LRRC4C: variants seen among roughly 807,000 people sequenced by gnomAD.
LRRC4C encodes leucine rich repeat containing 4C.
Under a neutral mutation model 33.6 loss-of-function variants are expected in LRRC4C, and 5 were observed. The observed-to-expected ratio is 0.15, with a 90% CI of 0.08 to 0.31. The LOEUF is 0.31. Among genes scored for constraint, LRRC4C ranks in the 10% least tolerant of loss-of-function variants. The probability of loss-of-function intolerance (pLI) is 1.00; values close to 1 mark genes in which losing one functional copy is unlikely to be tolerated. For synonymous variants in LRRC4C, 329 were observed against 302.0 expected (o/e 1.09, Z -0.93); for missense variants, 560 against 796.7 (o/e 0.70, Z 3.58).
chr11:40,323,427 C>T (rs2136875042), intron 3 of LRRC4C, among the ~76,000 whole-genome samples: 1 of 152,262 alleles, frequency 6.6e-6, no homozygotes, highest in Middle Eastern at 3.4e-3. Context: ...CTCTTCTTGC[C>T]AACTTGGAAC....
intron 3 of LRRC4C, among the ~76,000 whole-genome samples, chr11:40,419,162 G>A (rs1199554550): frequency 6.6e-6 from 1 of 151,854 alleles, no homozygotes; most frequent in East Asian, 1.9e-4. Context: ...AAAGAAAAAT[G>A]ACAGAACTCA....
At chr11:40,994,351 A>T (rs1853810888) in intron 1 of LRRC4C, among the ~76,000 whole-genome samples, 1 of 152,130 alleles carries the variant, frequency 6.6e-6, no homozygotes, top group South Asian at 2.1e-4. Context: ...CCCCTGACGG[A>T]GAGTTGGCAA....
At chr11:40,431,636 T>G (rs1205883092) in intron 3 of LRRC4C, among the ~76,000 whole-genome samples, 1 of 152,158 alleles carries the variant, frequency 6.6e-6, no homozygotes, top group African/African-American at 2.4e-5. Flanking sequence ...TGTTAAAATG[T>G]TTTGTCATCT....
chr11:40,821,151 A>T (rs1008526559), intron 2 of LRRC4C, among the ~76,000 whole-genome samples: 5 of 151,636 alleles, frequency 3.3e-5, no homozygotes, highest in African/African-American at 1.2e-4. Flanking sequence ...AAAATTAGAG[A>T]TTTATATAAA....
chr11:40,964,741 G>A (rs1490156692), intron 1 of LRRC4C, among the ~76,000 whole-genome samples: 2 of 151,812 alleles, frequency 1.3e-5, no homozygotes, highest in Non-Finnish European at 2.9e-5. Context: ...TGGTGTATAT[G>A]TGCCACATTT....
In LRRC4C at chr11:40,591,481, A is replaced by G. The variant is rs1346205429; in HGVS notation, c.-270+56661T>C. On this transcript the variant is annotated intron_variant, in intron 3 of 6. Transcript: ENST00000528697. ...GGAGCTGTAGACCGGAGCTGTTCCT[A>G]TTCGGCCATCTTGGCTCCTCTGAAT... 3.9e-5 allele frequency among the ~76,000 whole-genome samples: 6 copies of G among 152,156 alleles called. No homozygotes were observed. In the East Asian group the frequency reaches 9.7e-4, roughly 25 times the overall value.
chr11:40,789,979 T>G (rs112806788), intron 2 of LRRC4C, among the ~76,000 whole-genome samples: 8 of 152,232 alleles, frequency 5.3e-5, no homozygotes, highest in African/African-American at 1.9e-4. Flanking sequence ...GCCTTAAAGG[T>G]TGAACTGAAG....
At chr11:40,921,361 C>A (rs1957169633) in intron 2 of LRRC4C, among the ~76,000 whole-genome samples, 1 of 152,092 alleles carries the variant, frequency 6.6e-6, no homozygotes, top group Middle Eastern at 3.2e-3. Context: ...AGGCCAGGGA[C>A]CAAGGAATGT....
intron 1 of LRRC4C, among the ~76,000 whole-genome samples, chr11:41,252,196 G>C (rs1346308712): frequency 1.3e-5 from 2 of 152,104 alleles, no homozygotes; most frequent in Non-Finnish European, 2.9e-5. Context: ...TTTAAGTGCT[G>C]GGCTAACCTG....
At chr11:40,423,430 C>T (rs953160859) in intron 3 of LRRC4C, among the ~76,000 whole-genome samples, 44 of 149,876 alleles carry the variant, frequency 2.9e-4, no homozygotes, top group East Asian at 1.2e-3. Flanking sequence ...CTGCAAGCTC[C>T]GCCTCCCGGG....
intron 1 of LRRC4C, among the ~76,000 whole-genome samples, chr11:41,318,375 G>A (rs1274411819): frequency 1.3e-5 from 2 of 152,130 alleles, no homozygotes; most frequent in African/African-American, 4.8e-5. Flanking sequence ...GGTAGTGCAA[G>A]GGATACATAC....
chr11:40,244,627 G>A (rs1378894525), intron 4 of LRRC4C, among the ~76,000 whole-genome samples: 2 of 151,986 alleles, frequency 1.3e-5, no homozygotes, highest in African/African-American at 4.8e-5. Context: ...TACGTGGTAG[G>A]GTAATTGCTG....
At chr11:41,116,639 A>C (rs970169069) in intron 1 of LRRC4C, among the ~76,000 whole-genome samples, 9 of 152,070 alleles carry the variant, frequency 5.9e-5, no homozygotes, top group African/African-American at 2.2e-4. Context: ...GAGTGGAAGG[A>C]CTGAGATGTT....
chr11:40,518,641 C>A (rs1955672366), intron 3 of LRRC4C, among the ~76,000 whole-genome samples: 1 of 152,158 alleles, frequency 6.6e-6, no homozygotes, highest in Non-Finnish European at 1.5e-5. Context: ...GGAACACTTA[C>A]ACTGTTGGTG....
intron 5 of LRRC4C, among the ~76,000 whole-genome samples, chr11:40,176,422 A>G (rs189381321): frequency 2.0e-4 from 31 of 152,328 alleles, no homozygotes; most frequent in Non-Finnish European, 2.1e-4. Context: ...CATTTAAAAA[A>G]TAACGAAATG....
At chr11:41,024,961 T>A (rs1367891937) in intron 1 of LRRC4C, among the ~76,000 whole-genome samples, 2 of 151,620 alleles carry the variant, frequency 1.3e-5, no homozygotes, top group Non-Finnish European at 3.0e-5. Flanking sequence ...CTGGGACCAA[T>A]GATCTTTGAT....
chr11:40,223,425 C>A (rs892691217), intron 5 of LRRC4C, among the ~76,000 whole-genome samples: 4 of 152,168 alleles, frequency 2.6e-5, no homozygotes, highest in Non-Finnish European at 5.9e-5. Context: ...TGAATGGCCT[C>A]TTTCTATGTC....
chr11:40,636,669 T>C (rs1011209089), intron 3 of LRRC4C, among the ~76,000 whole-genome samples: 4 of 152,078 alleles, frequency 2.6e-5, no homozygotes, highest in Non-Finnish European at 4.4e-5. Context: ...ATGTAACATA[T>C]AGTATATAAC....
At chr11:40,361,049 T>C (rs1204194413) in intron 3 of LRRC4C, among the ~76,000 whole-genome samples, 1 of 152,214 alleles carries the variant, frequency 6.6e-6, no homozygotes, top group Non-Finnish European at 1.5e-5. Flanking sequence ...TTCAACATCC[T>C]TCATGTTAAA....
Sources: gnomAD v4.1 joint callset for allele counts (sites outside exome capture counted in the v4.1 genomes callset) on GRCh38, gnomAD v4.1.1 for gene constraint, MANE v1.5 for transcripts, NCBI Gene and HGNC (gene_info 2026-07-23, HGNC 2026-07-21) for gene names.